Variants in TCF12 observed in about 807,000 individuals in gnomAD.
TCF12 encodes transcription factor 12, also known as DNA-binding protein HTF4.
TCF12 carries 45 observed loss-of-function variants against 86.0 expected under a neutral mutation model. That is an observed-to-expected ratio of 0.52 (90% CI 0.41 to 0.67). The LOEUF is 0.67. TCF12 is among the 30% of genes least tolerant of loss of function. The pLI is 0.00. For synonymous variants in TCF12, 330 were observed against 299.6 expected (o/e 1.10, Z -1.05); for missense variants, 881 against 859.9 (o/e 1.02, Z -0.31).
chr15:57,101,864 GATTA>G (rs2151176208), intron 5 of TCF12, among the ~76,000 whole-genome samples: 1 of 152,230 alleles, frequency 6.6e-6, no homozygotes, highest in South Asian at 2.1e-4. Flanking sequence ...AAATTAAATC[GATTA>G]GTTAATGTAT....
At chr15:57,147,985 T>C (rs2053479810) in intron 5 of TCF12, among the ~76,000 whole-genome samples, 1 of 150,098 alleles carries the variant, frequency 6.7e-6, no homozygotes, top group Non-Finnish European at 1.5e-5. Flanking sequence ...GACTCAACAA[T>C]CCTCTCACCT....
chr15:57,007,802 CTTTCTTTCTTTCTTTCTTTT>C (rs1567241836), intron 3 of TCF12, among the ~76,000 whole-genome samples: 3 of 121,024 alleles, frequency 2.5e-5, no homozygotes, highest in African/African-American at 2.9e-5. Context: ...CTCTTTCTTT[CTTTCTTTCTTTCTTTCTTTT>C]TCTTTCTTTC....
At chr15:57,241,486 A>T (rs2059627255) in intron 12 of TCF12, among the ~76,000 whole-genome samples, 1 of 152,158 alleles carries the variant, frequency 6.6e-6, no homozygotes. Flanking sequence ...TAGCTTTTTA[A>T]ATAGAGTATA....
intron 3 of TCF12, among the ~76,000 whole-genome samples, chr15:56,922,189 C>T (rs1280345676): frequency 2.0e-5 from 3 of 151,896 alleles, no homozygotes; most frequent in South Asian, 4.1e-4. Context: ...TATTTCTTTA[C>T]TGGTGTTGAT....
chr15:56,926,992 G>C (rs995695550), intron 3 of TCF12, among the ~76,000 whole-genome samples: 1 of 152,138 alleles, frequency 6.6e-6, no homozygotes, highest in African/African-American at 2.4e-5. Flanking sequence ...TCTAGGATGA[G>C]CTGGTGAAGG....
At chr15:56,995,443 G>A (rs1490888531) in intron 3 of TCF12, among the ~76,000 whole-genome samples, 2 of 151,776 alleles carry the variant, frequency 1.3e-5, no homozygotes, top group African/African-American at 4.8e-5. Context: ...TAATCAGTGA[G>A]CATAGGATGT....
chr15:57,014,303 A>C (rs1471597832), intron 3 of TCF12, among the ~76,000 whole-genome samples: 1 of 152,154 alleles, frequency 6.6e-6, no homozygotes, highest in Non-Finnish European at 1.5e-5. Context: ...TATGCCTTCT[A>C]TCCCAAAAGC....
At position 57,288,813 on chromosome 15, in the gene TCF12, G is replaced by A. The variant is rs1350450422; in HGVS notation, c.*2668G>A. The A allele has an allele frequency of 2.6e-5, 4 of 152,114 alleles. No homozygotes were observed. The highest frequency in any genetic ancestry group is 5.9e-5 in the Non-Finnish European group (4 of 68,012). The allele number at this position is 152,114 out of a possible 1,614,324, so 9.4% of individuals were successfully genotyped here. On this transcript the variant is annotated 3_prime_UTR_variant, in exon 21 of 21. Transcript: ENST00000333725. ...GTTATAGAAAATCTACTCATTTGTA[G>A]ATACAGAGAAAAATGAAGAAGATGG...
intron 3 of TCF12, among the ~76,000 whole-genome samples, chr15:56,950,088 A>G (rs1479476291): frequency 2.6e-5 from 4 of 152,204 alleles, no homozygotes; most frequent in Non-Finnish European, 5.9e-5. Flanking sequence ...TGTATACATC[A>G]TTCTCAAGAG....
intron 5 of TCF12, among the ~76,000 whole-genome samples, chr15:57,146,128 C>A (rs1351995954): frequency 6.6e-6 from 1 of 152,086 alleles, no homozygotes; most frequent in Admixed American, 6.5e-5. Flanking sequence ...TTTAAGATTT[C>A]ATGTTAATTT....
Position 57,252,412 on chromosome 15 carries a change from C to G in TCF12, c.1189-9C>G. ...TGCTTTGCCTCCTGTTCTGTCTTGA[C>G]TTTGCCAGAAAAATCGAGTTGAGCA... On this transcript the variant is annotated splice_polypyrimidine_tract_variant and intron_variant, in intron 14 of 20. Coordinates refer to ENST00000333725, the MANE Select transcript of TCF12 (RefSeq NM_207037.2). 1.2e-6 allele frequency: 2 copies of G among 1,613,288 alleles called. No homozygotes were observed. Among genetic ancestry groups the G allele is most frequent in the Non-Finnish European group, 1.7e-6 (2 of 1,179,400 alleles).
At chr15:57,102,395 C>T (rs182508388) in intron 5 of TCF12, among the ~76,000 whole-genome samples, 1,758 of 152,182 alleles carry the variant, frequency 0.012, 32 homozygotes, top group African/African-American at 0.04. Context: ...GTCAGGAGTT[C>T]AAGACCAGTT....
intron 4 of TCF12, among the ~76,000 whole-genome samples, chr15:57,084,467 T>C (rs902552998): frequency 6.6e-6 from 1 of 152,208 alleles, no homozygotes; most frequent in Non-Finnish European, 1.5e-5. Context: ...ACTTACAGGA[T>C]AATATAAACC....
intron 3 of TCF12, among the ~76,000 whole-genome samples, chr15:56,966,458 T>C (rs1055713945): frequency 6.6e-6 from 1 of 152,236 alleles, no homozygotes; most frequent in Non-Finnish European, 1.5e-5. Context: ...TAAGCCTTGT[T>C]AAAATCAGAG....
At chr15:57,010,143 TC>T (rs2064732862) in intron 3 of TCF12, among the ~76,000 whole-genome samples, 1 of 152,226 alleles carries the variant, frequency 6.6e-6, no homozygotes, top group South Asian at 2.1e-4. Context: ...TTGTGTCCAA[TC>T]CCAAAGTCCC....
chr15:56,928,610 A>T (rs2060116548), intron 3 of TCF12, among the ~76,000 whole-genome samples: 1 of 152,218 alleles, frequency 6.6e-6, no homozygotes, highest in African/African-American at 2.4e-5. Flanking sequence ...TGAAGTACCC[A>T]GGAACCTTAA....
chr15:57,199,191 G>A (rs1345676466), intron 8 of TCF12, among the ~76,000 whole-genome samples: 1 of 152,112 alleles, frequency 6.6e-6, no homozygotes, highest in Non-Finnish European at 1.5e-5. Context: ...CGTTATTCCC[G>A]AAGACAGGAA....
At position 57,176,700 on chromosome 15, in the gene TCF12, T is replaced by C. The variant is rs566041917; in HGVS notation, c.390+10234T>C. Among the ~76,000 whole-genome samples the C allele has an allele frequency of 2.6e-5, 4 of 152,282 alleles. No homozygotes were observed. In the East Asian group the frequency reaches 5.8e-4, roughly 22 times the overall value. On this transcript the variant is annotated intron_variant, in intron 6 of 20. Coordinates refer to ENST00000333725, the MANE Select transcript of TCF12 (RefSeq NM_207037.2). The stretch of plus-strand genomic sequence containing the variant: ...AATTGATGTAGTGATAAGAGAATAG[T>C]TGAAGTACTAGACCAGGTTTCAAAG...
chr15:57,007,264 T>TAA (rs1344036735), intron 3 of TCF12, among the ~76,000 whole-genome samples: 1 of 152,218 alleles, frequency 6.6e-6, no homozygotes, highest in Non-Finnish European at 1.5e-5. Context: ...CTACCAATAT[T>TAA]AAAATGTTTT....
Sources: allele counts gnomAD v4.1 joint callset (sites outside exome capture counted in the v4.1 genomes callset), GRCh38; gene constraint gnomAD v4.1.1; transcripts MANE v1.5; gene names NCBI Gene and HGNC (gene_info 2026-07-23, HGNC 2026-07-21).